Variants in ATP2A2 observed in about 807,000 individuals in gnomAD.
ATP2A2 encodes the protein ATPase sarcoplasmic/endoplasmic reticulum Ca2+ transporting 2.
ATP2A2 carries 14 observed loss-of-function variants against 109.3 expected under a neutral mutation model. That is an observed-to-expected ratio of 0.13 (90% CI 0.08 to 0.20). ATP2A2 has a LOEUF of 0.20. ATP2A2 is among the 10% of genes least tolerant of loss of function. ATP2A2 has a pLI of 1.00. For missense variants in ATP2A2, 657 were observed against 1,321.6 expected, an observed-to-expected ratio of 0.50 and a Z score of 7.80; for synonymous variants, 506 against 490.9, an observed-to-expected ratio of 1.03 and a Z score of -0.41.
At chr12:110,302,680 A>C (rs963339006) in intron 5 of ATP2A2, among the ~76,000 whole-genome samples, 3 of 151,726 alleles carry the variant, frequency 2.0e-5, no homozygotes, top group Middle Eastern at 3.2e-3. Flanking sequence ...GTTCACTGCA[A>C]CCTCTGCCTG....
intron 14 of ATP2A2, among the ~76,000 whole-genome samples, chr12:110,341,572 C>T (rs1425188707): frequency 6.6e-6 from 1 of 152,118 alleles, no homozygotes. Flanking sequence ...TTTTTGCATG[C>T]TTTTGAAGGC....
chr12:110,288,668 G>A (rs781445167), intron 3 of ATP2A2, among the ~76,000 whole-genome samples: 2 of 152,136 alleles, frequency 1.3e-5, no homozygotes, highest in Non-Finnish European at 2.9e-5. Flanking sequence ...GCCTCCCAAA[G>A]TGCTGTGATT....
In ATP2A2 at chr12:110,344,903, A is replaced by G; in HGVS notation, c.2539A>G (p.Thr847Ala). The G allele has an allele frequency of 6.2e-7, 1 of 1,614,090 alleles. No individual in the cohort carries two copies. Among genetic ancestry groups the G allele is most frequent in the Non-Finnish European group, 8.5e-7 (1 of 1,180,010 alleles). ...LAIGCYVGAA[T>A]VGAAAWWFIA... is the part of the protein sequence containing the mutation. ...GTTCCCAGGTTACGTCGGCGCTGCTACCGTGGGTGCTGCTGCATGGTGGTT... is the reference window on the plus strand; with the variant it reads ...GTTCCCAGGTTACGTCGGCGCTGCTGCCGTGGGTGCTGCTGCATGGTGGTT... Residue 847 changes from threonine (T) to alanine (A), a missense_variant, in exon 17 of 20, where the codon ACC (threonine) becomes GCC (alanine). Physicochemically the swap from Thr to Ala is moderately conservative, Grantham distance 58. Around this residue, in one of 9 missense-constraint regions of ATP2A2, gnomAD observed 125 missense variants for 243.5 expected, o/e 0.51. Coordinates refer to ENST00000539276, the MANE Select transcript of ATP2A2 (RefSeq NM_170665.4).
Position 110,332,695 on chromosome 12 carries a change from C to G in ATP2A2, c.1184+10C>G, listed in dbSNP as rs1472230653. ...CACCTATTGGAGAAGTGTGAGTAAC[C>G]CTCCTCCTCATTTAAAGGATCTGGT... On this transcript the variant is annotated intron_variant, in intron 9 of 19. Coordinates refer to ENST00000539276, the MANE Select transcript of ATP2A2 (RefSeq NM_170665.4). 6.3e-7 allele frequency: 1 copy of G among 1,587,430 alleles called. No individual in the cohort carries two copies. The highest frequency in any genetic ancestry group is 8.7e-7 in the Non-Finnish European group (1 of 1,155,864).
chr12:110,295,506 T>A (rs552594672), intron 4 of ATP2A2, among the ~76,000 whole-genome samples: 1 of 152,290 alleles, frequency 6.6e-6, no homozygotes, highest in African/African-American at 2.4e-5. Flanking sequence ...CATGGGATAT[T>A]TGTTTAACCT....
intron 5 of ATP2A2, among the ~76,000 whole-genome samples, chr12:110,303,716 G>A (rs536762089): frequency 8.2e-4 from 125 of 151,972 alleles, no homozygotes; most frequent in East Asian, 9.7e-4. Context: ...GCCCAGCCAC[G>A]CCTGGCTAAT....
At chr12:110,301,774 G>T (rs1208448877) in intron 5 of ATP2A2, among the ~76,000 whole-genome samples, 1 of 152,222 alleles carries the variant, frequency 6.6e-6, no homozygotes, top group African/African-American at 2.4e-5. Flanking sequence ...TGCATTGTGT[G>T]TATGTACCTC....
intron 5 of ATP2A2, among the ~76,000 whole-genome samples, chr12:110,308,522 A>T (rs1292679493): frequency 6.6e-6 from 1 of 152,222 alleles, no homozygotes; most frequent in Non-Finnish European, 1.5e-5. Flanking sequence ...GTAAGATATA[A>T]TTCTAAGGCA....
chr12:110,300,177 G>A (rs1592808503), intron 5 of ATP2A2, among the ~76,000 whole-genome samples: 1 of 82,880 alleles, frequency 1.2e-5, no homozygotes, highest in Non-Finnish European at 2.1e-5. Flanking sequence ...CTTCTTTCTC[G>A]CTCTCTCTTT....
Position 110,343,226 on chromosome 12 carries a change from A to G in ATP2A2, c.2319-6A>G, listed in dbSNP as rs1879524961. Reference sequence around the variant, plus strand: ...CTCTTTGTCTTCTTTTCTTGATTGGAAACAGTATTTTCCTGACAGCAGCCC... The same window carrying G: ...CTCTTTGTCTTCTTTTCTTGATTGGGAACAGTATTTTCCTGACAGCAGCCC... On this transcript the variant is annotated splice_polypyrimidine_tract_variant and splice_region_variant and intron_variant, in intron 15 of 19. Transcript: ENST00000539276. The G allele has an allele frequency of 2.5e-6, 4 of 1,613,562 alleles. No individual in the cohort carries two copies. Among genetic ancestry groups the G allele is most frequent in the Non-Finnish European group, 3.4e-6 (4 of 1,179,796 alleles).
chr12:110,332,322 A>T lies in ATP2A2; in HGVS notation c.1096-275A>T, dbSNP rs977830342. 18 of 442,880 alleles carry T rather than the reference A, an allele frequency of 4.1e-5. No individual in the cohort carries two copies. In the East Asian group the frequency reaches 4.1e-4, roughly 10 times the overall value. The allele number at this position is 442,880 out of a possible 1,614,324, so 27.4% of individuals were successfully genotyped here. The stretch of plus-strand genomic sequence containing the variant: ...TGTGGGTTGTTGTGTCTTTGGTGCC[A>T]CTGCTGCTCATTCATTCAGCACCTC... On this transcript the variant is annotated intron_variant, in intron 8 of 19. Transcript: ENST00000539276.
chr12:110,338,138 G>A (rs1488572429), intron 11 of ATP2A2, among the ~76,000 whole-genome samples: 3 of 152,174 alleles, frequency 2.0e-5, no homozygotes, highest in African/African-American at 7.2e-5. Context: ...GCACCAGGAG[G>A]TGAAGGCTCC....
chr12:110,334,364 C>T, intron 11 of ATP2A2: 2 of 609,126 alleles, frequency 3.3e-6, no homozygotes, highest in Admixed American at 2.5e-5. Flanking sequence ...GAGCGACCCT[C>T]TGGGCCCACA....
intron 11 of ATP2A2, among the ~76,000 whole-genome samples, chr12:110,335,607 AGT>A (rs1440888820): frequency 1.3e-5 from 2 of 152,258 alleles, no homozygotes; most frequent in Non-Finnish European, 2.9e-5. Context: ...TTGGATGAGA[AGT>A]GATATGCAGA....
chr12:110,346,571 G>A lies in ATP2A2; in HGVS notation c.*101G>A. 1 of 1,554,794 alleles carries A rather than the reference G, an allele frequency of 6.4e-7. No individual in the cohort carries two copies. Among genetic ancestry groups the A allele is most frequent in the Non-Finnish European group, 8.7e-7 (1 of 1,155,180 alleles). On this transcript the variant is annotated 3_prime_UTR_variant, in exon 20 of 20. Transcript: ENST00000539276. ...TGCTGAATTTTCACATGAACATACT[G>A]GCTGGTGATGGAGGTTTCATACTCT...
In ATP2A2 at chr12:110,332,705, A is replaced by G. The variant is rs748493056; in HGVS notation, c.1184+20A>G. ...AGAAGTGTGAGTAACCCTCCTCCTC[A>G]TTTAAAGGATCTGGTGTGGCAGTTT... On this transcript the variant is annotated intron_variant, in intron 9 of 19. Transcript: ENST00000539276. The G allele has an allele frequency of 1.3e-6, 2 of 1,563,228 alleles. No individual in the cohort carries two copies. Among genetic ancestry groups the G allele is most frequent in the South Asian group, 1.1e-5 (1 of 89,980 alleles).
At chr12:110,337,277 C>T (rs995067000) in intron 11 of ATP2A2, among the ~76,000 whole-genome samples, 7 of 152,164 alleles carry the variant, frequency 4.6e-5, no homozygotes, top group Non-Finnish European at 8.8e-5. Flanking sequence ...AGAGCAGGTC[C>T]AGCATTTTGG....
At chr12:110,344,650 T>A (rs948481758) in intron 16 of ATP2A2, among the ~76,000 whole-genome samples, 3 of 152,144 alleles carry the variant, frequency 2.0e-5, no homozygotes, top group African/African-American at 7.2e-5. Context: ...TCTCACACAT[T>A]CTGGAGGAAA....
intron 14 of ATP2A2, among the ~76,000 whole-genome samples, chr12:110,341,615 T>G (rs563989145): frequency 3.2e-4 from 49 of 152,162 alleles, no homozygotes; most frequent in African/African-American, 1.1e-3. Flanking sequence ...GGCTCATGCC[T>G]GTAACCCCAA....
Sources: gnomAD v4.1 joint callset for allele counts (sites outside exome capture counted in the v4.1 genomes callset) on GRCh38, gnomAD v4.1.1 for gene constraint, gnomAD v4.1.1 regional missense constraint, MANE v1.5 for transcripts, NCBI Gene and HGNC (gene_info 2026-07-23, HGNC 2026-07-21) for gene names.